DOCK1: variants seen among roughly 807,000 people sequenced by gnomAD.
The protein encoded by DOCK1 is dedicator of cytokinesis protein 1.
DOCK1 carries 138 observed loss-of-function variants against 262.7 expected under a neutral mutation model. That is an observed-to-expected ratio of 0.53 (90% CI 0.46 to 0.61). The LOEUF is 0.61. Among genes scored for constraint, DOCK1 ranks in the 20% least tolerant of loss-of-function variants. The pLI, the probability that DOCK1 is intolerant of heterozygous loss-of-function variation, is 0.00. For synonymous variants in DOCK1, 866 were observed against 867.4 expected (o/e 1.00, Z 0.03); for missense variants, 1,908 against 2,370.7 (o/e 0.80, Z 4.05).
At chr10:127,449,206 C>T (rs1387222062) in intron 51 of DOCK1, among the ~76,000 whole-genome samples, 1 of 152,194 alleles carries the variant, frequency 6.6e-6, no homozygotes, top group Non-Finnish European at 1.5e-5. Context: ...TTTCTAACTA[C>T]TTGTGAGAGT....
chr10:127,240,757 A>G (rs754612559), intron 27 of DOCK1, among the ~76,000 whole-genome samples: 3 of 152,152 alleles, frequency 2.0e-5, no homozygotes, highest in Non-Finnish European at 4.4e-5. Context: ...AAGAAATTCT[A>G]TATAATATGA....
At chr10:127,386,228 G>T (rs918201053) in intron 38 of DOCK1, among the ~76,000 whole-genome samples, 2 of 152,130 alleles carry the variant, frequency 1.3e-5, no homozygotes, top group Non-Finnish European at 2.9e-5. Context: ...AAAGTCTGAC[G>T]TTTTCAGAAT....
At chr10:126,949,036 C>T (rs1469144156) in intron 1 of DOCK1, among the ~76,000 whole-genome samples, 1 of 152,132 alleles carries the variant, frequency 6.6e-6, no homozygotes. Context: ...GCTTTGGTTC[C>T]CTGGCCACCC....
At chr10:127,252,002 A>G (rs1170222650) in intron 28 of DOCK1, among the ~76,000 whole-genome samples, 1 of 152,048 alleles carries the variant, frequency 6.6e-6, no homozygotes, top group Non-Finnish European at 1.5e-5. Context: ...AGTCCCACCA[A>G]CAGTGTAAAA....
At chr10:127,408,986 C>G (rs2067684920) in intron 40 of DOCK1, 51 bp from the exon 41 acceptor site, 13 of 1,541,102 alleles carry the variant, frequency 8.4e-6, no homozygotes. Flanking sequence ...CATGTGAACT[C>G]TTCCTGGCCC....
intron 27 of DOCK1, among the ~76,000 whole-genome samples, chr10:127,192,160 T>A (rs1176646212): frequency 6.6e-6 from 1 of 152,224 alleles, no homozygotes; most frequent in Non-Finnish European, 1.5e-5. Flanking sequence ...TTTCTTTTTT[T>A]GCTCAAACTT....
intron 27 of DOCK1, among the ~76,000 whole-genome samples, chr10:127,166,043 T>TA (rs2054044103): frequency 6.6e-6 from 1 of 152,158 alleles, no homozygotes; most frequent in Non-Finnish European, 1.5e-5. Flanking sequence ...TTAAAAAATT[T>TA]AAAAAATGCC....
chr10:126,950,973 C>T (rs980560080), intron 1 of DOCK1, among the ~76,000 whole-genome samples: 13 of 150,126 alleles, frequency 8.7e-5, no homozygotes, highest in South Asian at 2.2e-4. Flanking sequence ...ACATTGCTGG[C>T]GGTGATTGTG....
intron 33 of DOCK1, among the ~76,000 whole-genome samples, chr10:127,363,562 A>C (rs1330289897): frequency 2.0e-5 from 3 of 152,366 alleles, no homozygotes; most frequent in Non-Finnish European, 2.9e-5. Flanking sequence ...AGGAATTTGG[A>C]GAAAAATTCC....
Position 127,176,279 on chromosome 10 carries a change from T to C in DOCK1, c.2847+48515T>C. 6.2e-7 allele frequency: 1 copy of C among 1,614,144 alleles called. No homozygotes were observed. Among genetic ancestry groups the C allele is most frequent in the African/African-American group, 1.3e-5 (1 of 75,042 alleles). On this transcript the variant is annotated intron_variant, in intron 27 of 51. Coordinates refer to ENST00000623213, the MANE Select transcript of DOCK1 (RefSeq NM_001290223.2). The surrounding 1 kb of genome is among the most constrained non-coding windows in gnomAD (Gnocchi z 4.4). ...GCACCTGCAGGGCTTTGTTCCGTTT[T>C]TTAATCTGCCGGTTGGGGTCCAGGG...
intron 29 of DOCK1, among the ~76,000 whole-genome samples, chr10:127,311,074 C>T (rs1289212791): frequency 6.6e-6 from 1 of 152,190 alleles, no homozygotes; most frequent in Non-Finnish European, 1.5e-5. Flanking sequence ...CTGTCTGCCC[C>T]AGTGCTTCCC....
chr10:127,315,450 T>C (rs181150563), intron 29 of DOCK1, among the ~76,000 whole-genome samples: 1 of 151,990 alleles, frequency 6.6e-6, no homozygotes, highest in Non-Finnish European at 1.5e-5. Context: ...GAGAGGCCAT[T>C]TGAGGACACG....
chr10:127,059,357 G>T (rs1223443154), intron 22 of DOCK1, among the ~76,000 whole-genome samples: 1 of 152,122 alleles, frequency 6.6e-6, no homozygotes, highest in African/African-American at 2.4e-5. Context: ...AGTTTTGGAA[G>T]ATTTGTGGCC....
intron 4 of DOCK1, 64 bp downstream of exon 4, chr10:126,982,037 T>C: frequency 6.4e-7 from 1 of 1,557,314 alleles, no homozygotes; most frequent in Non-Finnish European, 8.8e-7. Context: ...TGCTGCTCTT[T>C]TGTACGATGG....
chr10:127,294,045 G>A (rs1380171448), intron 29 of DOCK1, among the ~76,000 whole-genome samples: 1 of 152,178 alleles, frequency 6.6e-6, no homozygotes. Flanking sequence ...GAGAAAGCCA[G>A]TGTGTGCTCG....
chr10:127,408,682 T>G (rs2067663656), intron 40 of DOCK1, among the ~76,000 whole-genome samples: 1 of 152,228 alleles, frequency 6.6e-6, no homozygotes, highest in Non-Finnish European at 1.5e-5. Flanking sequence ...CCTGGCTGCC[T>G]TGCCCCCTTC....
At chr10:127,017,846 C>T (rs1044776957) in intron 12 of DOCK1, among the ~76,000 whole-genome samples, 1 of 152,178 alleles carries the variant, frequency 6.6e-6, no homozygotes, top group African/African-American at 2.4e-5. Flanking sequence ...CCCCTGCCTG[C>T]CCCGCCTTTG....
At chr10:126,967,960 C>T (rs966344964) in intron 1 of DOCK1, among the ~76,000 whole-genome samples, 7 of 151,950 alleles carry the variant, frequency 4.6e-5, no homozygotes, top group African/African-American at 9.7e-5. Flanking sequence ...ATTACAGGTG[C>T]GCACCACCAC....
chr10:127,417,228 A>G (rs375897624), intron 44 of DOCK1, among the ~76,000 whole-genome samples: 3 of 152,338 alleles, frequency 2.0e-5, no homozygotes, highest in African/African-American at 7.2e-5. Context: ...ACCCTGGGAC[A>G]TGGTCCCCGT....
Sources: gnomAD v4.1 joint callset for allele counts (sites outside exome capture counted in the v4.1 genomes callset) on GRCh38, gnomAD v4.1.1 for gene constraint, Gnocchi (gnomAD v3.1) non-coding constraint, MANE v1.5 for transcripts, NCBI Gene and HGNC (gene_info 2026-07-23, HGNC 2026-07-21) for gene names.